The following LHFPL3 variants were observed in gnomAD, a reference collection of about 807,000 sequenced individuals.
The protein encoded by LHFPL3 is LHFPL tetraspan subfamily member 3.
LHFPL3 carries 5 observed loss-of-function variants against 19.3 expected under a neutral mutation model. The observed-to-expected ratio is 0.26, with a 90% CI of 0.14 to 0.54. The LOEUF is 0.54. Ranked by LOEUF, LHFPL3 falls within the 20% of genes least tolerant of loss-of-function variation. LHFPL3 has a pLI of 0.94. For missense variants in LHFPL3, 249 were observed against 307.4 expected (o/e 0.81, Z 1.42); for synonymous variants, 133 against 126.2 (o/e 1.05, Z -0.36).
At chr7:104,702,999 A>C (rs1297840493) in intron 1 of LHFPL3, among the ~76,000 whole-genome samples, 2 of 152,196 alleles carry the variant, frequency 1.3e-5, no homozygotes, top group Non-Finnish European at 2.9e-5. Flanking sequence ...TGATATTGTC[A>C]ACTTAATTTG....
chr7:104,805,896 T>C (rs1377404846), intron 2 of LHFPL3, among the ~76,000 whole-genome samples: 2 of 152,250 alleles, frequency 1.3e-5, no homozygotes, highest in African/African-American at 4.8e-5. Flanking sequence ...GTCTGAACCC[T>C]GGGCTCTCTT....
At chr7:104,569,296 C>G (rs1790182119) in intron 1 of LHFPL3, among the ~76,000 whole-genome samples, 1 of 152,188 alleles carries the variant, frequency 6.6e-6, no homozygotes, top group African/African-American at 2.4e-5. Flanking sequence ...CACATGAGGG[C>G]AGGGAAATGT....
In LHFPL3 at chr7:104,598,335, A is replaced by G. The variant is rs116598823; in HGVS notation, c.446-138340A>G. On this transcript the variant is annotated intron_variant, in intron 1 of 2. Coordinates refer to ENST00000424859, the MANE Select transcript of LHFPL3 (RefSeq NM_199000.3). ...ACTATTGTTTCCATATCAGCTGCCT[A>G]CAAGAGCAGAGCTTTTAATGCAAAT... Among the ~76,000 whole-genome samples, 735 of 152,348 alleles carry G rather than the reference A, an allele frequency of 4.8e-3. 5 individuals carry two copies. The highest frequency in any genetic ancestry group is 0.017 in the African/African-American group (692 of 41,576).
At chr7:104,697,558 G>A (rs954795844) in intron 1 of LHFPL3, among the ~76,000 whole-genome samples, 1 of 152,290 alleles carries the variant, frequency 6.6e-6, no homozygotes, top group East Asian at 1.9e-4. Context: ...ACAGAAGTCA[G>A]ATTTGCTGTG....
intron 2 of LHFPL3, among the ~76,000 whole-genome samples, chr7:104,859,913 A>G (rs532370994): frequency 6.6e-6 from 1 of 152,346 alleles, no homozygotes; most frequent in Admixed American, 6.5e-5. Flanking sequence ...AGATGTTGAT[A>G]GTGCAGAAAA....
At chr7:104,873,103 T>G (rs972618779) in intron 2 of LHFPL3, among the ~76,000 whole-genome samples, 21 of 152,226 alleles carry the variant, frequency 1.4e-4, no homozygotes, top group Non-Finnish European at 2.8e-4. Context: ...CACCATCATA[T>G]ATGCAGCCTG....
chr7:104,521,087 T>C (rs1350608739), intron 1 of LHFPL3, among the ~76,000 whole-genome samples: 2 of 152,232 alleles, frequency 1.3e-5, no homozygotes, highest in African/African-American at 4.8e-5. Context: ...GGGCATTTAG[T>C]ACTACAAATT....
chr7:104,634,070 T>C (rs143225745), intron 1 of LHFPL3, among the ~76,000 whole-genome samples: 2 of 152,340 alleles, frequency 1.3e-5, no homozygotes, highest in Non-Finnish European at 2.9e-5. Flanking sequence ...ACTTTTATGG[T>C]ATCTAACAAA....
At chr7:104,847,534 G>T (rs1003433890) in intron 2 of LHFPL3, among the ~76,000 whole-genome samples, 1 of 152,016 alleles carries the variant, frequency 6.6e-6, no homozygotes, top group African/African-American at 2.4e-5. Flanking sequence ...TCTTGGAGAC[G>T]GAGTCTTGCT....
At chr7:104,402,870 G>A (rs1282027974) in intron 1 of LHFPL3, among the ~76,000 whole-genome samples, 3 of 152,160 alleles carry the variant, frequency 2.0e-5, no homozygotes, top group Admixed American at 2.0e-4. Flanking sequence ...CACACCAATG[G>A]GGAGTATTTA....
chr7:104,667,674 A>C, intron 1 of LHFPL3: 1 of 1,064,930 alleles, frequency 9.4e-7, no homozygotes, highest in Non-Finnish European at 1.4e-6. Flanking sequence ...TAAAGTTAAC[A>C]TGCCATTATA....
intron 1 of LHFPL3, among the ~76,000 whole-genome samples, chr7:104,672,021 C>A (rs985471924): frequency 4.6e-5 from 7 of 151,174 alleles, no homozygotes; most frequent in Admixed American, 4.6e-4. Context: ...CTTTTGAATA[C>A]CTTTTCTTTT....
chr7:104,645,036 A>T (rs73713017), intron 1 of LHFPL3, among the ~76,000 whole-genome samples: 2,426 of 152,330 alleles, frequency 0.016, 65 homozygotes, highest in African/African-American at 0.055. Flanking sequence ...TGTTCCCAAC[A>T]TAACCAAGAG....
At chr7:104,740,164 T>C (rs947452839) in intron 2 of LHFPL3, among the ~76,000 whole-genome samples, 9 of 152,162 alleles carry the variant, frequency 5.9e-5, no homozygotes, top group African/African-American at 2.2e-4. Flanking sequence ...TCCACCATGA[T>C]TGTAAGTTTC....
chr7:104,463,857 G>A (rs981607518), intron 1 of LHFPL3, among the ~76,000 whole-genome samples: 6 of 152,064 alleles, frequency 3.9e-5, no homozygotes, highest in South Asian at 2.1e-4. Context: ...CATATTGTCC[G>A]TCCCCAGCCC....
chr7:104,882,566 T>A (rs913890412), intron 2 of LHFPL3, among the ~76,000 whole-genome samples: 3 of 152,156 alleles, frequency 2.0e-5, no homozygotes, highest in Admixed American at 1.3e-4. Flanking sequence ...ATTTCATTTA[T>A]ATGAAATGTC....
At position 104,845,250 on chromosome 7, in the gene LHFPL3, T is replaced by C. The variant is rs544189767; in HGVS notation, c.683-60937T>C. The C allele has an allele frequency of 7.4e-6, 5 of 675,074 alleles. No individual in the cohort carries two copies. In the Admixed American group the frequency reaches 1.1e-4, roughly 14 times the overall value. 41.8% of individuals were successfully genotyped at this position (675,074 alleles called of 1,614,324 possible). A position where few individuals can be genotyped will look rare whatever the true frequency, so the allele number is the denominator to read the frequency against. ...ATTTTCCTCAAGTATGTGCAGAGAATCACCAAGTATGTCTCTGCACACCGT... is the reference window on the plus strand; with the variant it reads ...ATTTTCCTCAAGTATGTGCAGAGAACCACCAAGTATGTCTCTGCACACCGT... On this transcript the variant is annotated intron_variant, in intron 2 of 2. Coordinates refer to ENST00000424859, the MANE Select transcript of LHFPL3 (RefSeq NM_199000.3).
intron 1 of LHFPL3, among the ~76,000 whole-genome samples, chr7:104,418,532 C>A (rs932295936): frequency 6.6e-6 from 1 of 151,952 alleles, no homozygotes; most frequent in Non-Finnish European, 1.5e-5. Context: ...ACCCTGTCTC[C>A]AAAAACAAAC....
chr7:104,388,515 T>C lies in LHFPL3; in HGVS notation c.445+59291T>C, dbSNP rs944890241. On this transcript the variant is annotated intron_variant, in intron 1 of 2. Transcript: ENST00000424859. ...AATCTTTCCCAACCTCTCTAAATAGTAAAAAACGAACACTTCCCAACTTAC... is the reference window on the plus strand; with the variant it reads ...AATCTTTCCCAACCTCTCTAAATAGCAAAAAACGAACACTTCCCAACTTAC... Among the ~76,000 whole-genome samples, 14 of 152,150 alleles carry C rather than the reference T, an allele frequency of 9.2e-5. 1 individual carries two copies. In the East Asian group the frequency reaches 2.3e-3, roughly 25 times the overall value.
Sources: gnomAD v4.1 joint callset for allele counts (sites outside exome capture counted in the v4.1 genomes callset) on GRCh38, gnomAD v4.1.1 for gene constraint, MANE v1.5 for transcripts, NCBI Gene and HGNC (gene_info 2026-07-23, HGNC 2026-07-21) for gene names.